Variants in RAPGEF4 observed in about 807,000 individuals in gnomAD.
RAPGEF4 encodes Rap guanine nucleotide exchange factor 4.
Under a neutral mutation model 147.9 loss-of-function variants are expected in RAPGEF4, and 66 were observed. The ratio of observed to expected loss-of-function variants is 0.45; its 90% CI spans 0.37 to 0.55. The LOEUF (loss-of-function observed/expected upper bound fraction) is 0.55, where lower values mean the gene tolerates loss of function less well. RAPGEF4 is among the 20% of genes least tolerant of loss of function. The probability of loss-of-function intolerance (pLI) is 0.00; values close to 1 mark genes in which losing one functional copy is unlikely to be tolerated. For missense variants in RAPGEF4, 1,071 were observed against 1,257.3 expected (o/e 0.85, Z 2.24); for synonymous variants, 419 against 442.7 (o/e 0.95, Z 0.67).
intron 10 of RAPGEF4, among the ~76,000 whole-genome samples, chr2:172,975,487 G>A (rs1460123749): frequency 6.6e-6 from 1 of 152,142 alleles, no homozygotes; most frequent in South Asian, 2.1e-4. Flanking sequence ...AGCAGTATAC[G>A]TGGCTGAACC....
In RAPGEF4 at chr2:172,736,059, G is replaced by T. The variant is rs749944335; in HGVS notation, c.65+11G>T. 1.4e-6 allele frequency: 2 copies of T among 1,416,906 alleles called. No individual in the cohort carries two copies. Among genetic ancestry groups the T allele is most frequent in the African/African-American group, 3.0e-5 (2 of 66,266 alleles). 87.8% of individuals were successfully genotyped at this position (1,416,906 alleles called of 1,614,324 possible). A position where few individuals can be genotyped will look rare whatever the true frequency, so the allele number is the denominator to read the frequency against. On this transcript the variant is annotated intron_variant, in intron 1 of 30. Transcript: ENST00000397081. ...CTGCCTGGATAAAAGGTAGCTCGCC[G>T]GGGGCCGCAGCCGGGGGCCGAGCTC...
chr2:172,892,917 G>A (rs1698085414), intron 4 of RAPGEF4, among the ~76,000 whole-genome samples: 1 of 152,250 alleles, frequency 6.6e-6, no homozygotes, highest in Admixed American at 6.5e-5. Flanking sequence ...TCCAACTGTG[G>A]CATTCCTTGG....
intron 3 of RAPGEF4, among the ~76,000 whole-genome samples, chr2:172,808,615 G>T (rs1687724782): frequency 6.6e-6 from 1 of 152,170 alleles, no homozygotes. Context: ...TGGATCACCT[G>T]TTATGTGCCA....
chr2:173,004,101 A>G (rs556153918), intron 17 of RAPGEF4, among the ~76,000 whole-genome samples: 23 of 152,340 alleles, frequency 1.5e-4, no homozygotes, highest in Admixed American at 3.9e-4. Context: ...CTAGCAGAGA[A>G]AAGATTTGAG....
At chr2:172,749,982 A>C (rs35299103) in intron 1 of RAPGEF4, among the ~76,000 whole-genome samples, 20,093 of 152,140 alleles carry the variant, frequency 0.13, 1,595 homozygotes, top group Non-Finnish European at 0.17. Flanking sequence ...CAGTTCCCAA[A>C]AAGTTCCTCG....
Position 173,052,021 on chromosome 2 carries a change from G to A in RAPGEF4, c.*254G>A, listed in dbSNP as rs923111262. 1 of 306,046 alleles carries A rather than the reference G, an allele frequency of 3.3e-6. No individual in the cohort carries two copies. Among genetic ancestry groups the A allele is most frequent in the Non-Finnish European group, 6.1e-6 (1 of 163,976 alleles). 19.0% of individuals were successfully genotyped at this position (306,046 alleles called of 1,614,324 possible). On this transcript the variant is annotated 3_prime_UTR_variant, in exon 31 of 31. Transcript: ENST00000397081. ...GCTACCCTGTTTCATTTCCACTTGT[G>A]CCATCTTCTTTGCTGAAGTGTTGAA... is the stretch of plus-strand genomic sequence containing the variant.
intron 4 of RAPGEF4, among the ~76,000 whole-genome samples, chr2:172,908,975 G>T (rs996326678): frequency 6.6e-6 from 1 of 152,176 alleles, no homozygotes; most frequent in Non-Finnish European, 1.5e-5. Context: ...TTTCCTAACT[G>T]CCTTTAGAGG....
intron 1 of RAPGEF4, among the ~76,000 whole-genome samples, chr2:172,767,965 C>T (rs934830462): frequency 1.3e-5 from 2 of 152,096 alleles, no homozygotes; most frequent in South Asian, 2.1e-4. Context: ...CGCCTGCCAC[C>T]GTGCCCAGCT....
intron 4 of RAPGEF4, among the ~76,000 whole-genome samples, chr2:172,852,371 G>A (rs370741627): frequency 2.0e-5 from 3 of 152,090 alleles, no homozygotes; most frequent in Admixed American, 6.5e-5. Context: ...AAGTTGATCC[G>A]AAACGTAACC....
At chr2:172,989,922 G>A (rs1692655812) in intron 14 of RAPGEF4, among the ~76,000 whole-genome samples, 1 of 150,860 alleles carries the variant, frequency 6.6e-6, no homozygotes, top group Non-Finnish European at 1.5e-5. Flanking sequence ...CTGCCCTTGT[G>A]TCTGGACATC....
rs189779669 is a variant in RAPGEF4, at chr2:172,973,936, A to G, written c.1004+6492A>G. 5.9e-5 allele frequency among the ~76,000 whole-genome samples: 9 copies of G among 152,316 alleles called. No homozygotes were observed. In the East Asian group the frequency reaches 1.5e-3, roughly 26 times the overall value. Reference sequence around the variant, plus strand: ...TCTATTCTTACCAGTTTATCATTATATCATCTAACATCTTCAGATTACAAG... The same window carrying G: ...TCTATTCTTACCAGTTTATCATTATGTCATCTAACATCTTCAGATTACAAG... On this transcript the variant is annotated intron_variant, in intron 10 of 30. Coordinates refer to ENST00000397081, the MANE Select transcript of RAPGEF4 (RefSeq NM_007023.4).
intron 4 of RAPGEF4, among the ~76,000 whole-genome samples, chr2:172,846,407 T>C (rs1034676447): frequency 6.6e-6 from 1 of 152,216 alleles, no homozygotes; most frequent in African/African-American, 2.4e-5. Context: ...TGATGGAGCA[T>C]GTGTCAGGAG....
intron 15 of RAPGEF4, 116 bp from the exon 16 acceptor site, chr2:172,996,350 G>A (rs1226018444): frequency 1.8e-6 from 1 of 546,310 alleles, no homozygotes; most frequent in African/African-American, 2.0e-5. Flanking sequence ...TACCATGAAA[G>A]GTATATGGTT....
chr2:172,915,186 T>G (rs1205663317), intron 4 of RAPGEF4, among the ~76,000 whole-genome samples: 1 of 152,250 alleles, frequency 6.6e-6, no homozygotes, highest in African/African-American at 2.4e-5. Flanking sequence ...TTCACTATAC[T>G]AAAAGCTATT....
chr2:172,945,109 T>G (rs764521705), intron 6 of RAPGEF4, among the ~76,000 whole-genome samples: 5 of 152,186 alleles, frequency 3.3e-5, no homozygotes, highest in African/African-American at 7.2e-5. Flanking sequence ...TAGAATACTG[T>G]TGGCATATCT....
At chr2:172,825,787 A>G (rs534897596) in intron 4 of RAPGEF4, among the ~76,000 whole-genome samples, 294 of 152,358 alleles carry the variant, frequency 1.9e-3, no homozygotes, top group Middle Eastern at 3.4e-3. Context: ...AATTAGTTTT[A>G]TAAAGATATT....
intron 4 of RAPGEF4, chr2:172,821,689 T>G: frequency 9.5e-7 from 1 of 1,055,246 alleles, no homozygotes; most frequent in Non-Finnish European, 1.1e-6. Flanking sequence ...GCAAAATGAT[T>G]CAAATCCAGA....
intron 4 of RAPGEF4, among the ~76,000 whole-genome samples, chr2:172,855,932 C>T (rs1693369984): frequency 6.6e-6 from 1 of 151,850 alleles, no homozygotes; most frequent in African/African-American, 2.4e-5. Flanking sequence ...TGGCATGGGT[C>T]TTTGTTTTGT....
chr2:173,027,289 A>G, intron 25 of RAPGEF4, 30 bp downstream of exon 25: 1 of 1,516,848 alleles, frequency 6.6e-7, no homozygotes, highest in Non-Finnish European at 8.8e-7. Flanking sequence ...AAAGAGAAAA[A>G]AAAATGTTGA....
Sources: allele counts gnomAD v4.1 joint callset (sites outside exome capture counted in the v4.1 genomes callset), GRCh38; gene constraint gnomAD v4.1.1; transcripts MANE v1.5; gene names NCBI Gene and HGNC (gene_info 2026-07-23, HGNC 2026-07-21).